Variants in ANKS1B observed in about 807,000 individuals in gnomAD.
ANKS1B encodes the protein ankyrin repeat and sterile alpha motif domain containing 1B, also known as ankyrin repeat and sterile alpha motif domain-containing protein 1B.
A neutral mutation model predicts 148.3 loss-of-function variants in ANKS1B; 36 were observed. The ratio of observed to expected loss-of-function variants is 0.24; its 90% CI spans 0.19 to 0.32. ANKS1B has a LOEUF of 0.32. Ranked by LOEUF, ANKS1B falls within the 10% of genes least tolerant of loss-of-function variation. The pLI, the probability that ANKS1B is intolerant of heterozygous loss-of-function variation, is 1.00. For missense variants in ANKS1B, 1,157 were observed against 1,542.6 expected (o/e 0.75, Z 4.19); for synonymous variants, 542 against 560.8 (o/e 0.97, Z 0.47).
chr12:98,879,582 G>C (rs1420926506), intron 17 of ANKS1B, among the ~76,000 whole-genome samples: 1 of 151,930 alleles, frequency 6.6e-6, no homozygotes, highest in African/African-American at 2.4e-5. Context: ...TATTTCTCTT[G>C]CTTCTTGTTT....
At chr12:99,413,561 G>A (rs1348687400) in intron 11 of ANKS1B, among the ~76,000 whole-genome samples, 1 of 151,966 alleles carries the variant, frequency 6.6e-6, no homozygotes, top group Non-Finnish European at 1.5e-5. Context: ...GTGGAAAATG[G>A]GAATAAATAG....
chr12:99,624,784 C>T (rs1455060163), intron 9 of ANKS1B, among the ~76,000 whole-genome samples: 1 of 151,976 alleles, frequency 6.6e-6, no homozygotes, highest in African/African-American at 2.4e-5. Flanking sequence ...AAAGGGAATG[C>T]TTATACACTG....
intron 17 of ANKS1B, among the ~76,000 whole-genome samples, chr12:98,965,237 C>G (rs1010203996): frequency 1.3e-5 from 2 of 152,342 alleles, no homozygotes; most frequent in East Asian, 1.9e-4. Context: ...CTTCCATTCT[C>G]ATGATTGCCT....
chr12:99,726,115 A>G (rs1195978917), intron 8 of ANKS1B, among the ~76,000 whole-genome samples: 1 of 152,214 alleles, frequency 6.6e-6, no homozygotes, highest in Non-Finnish European at 1.5e-5. Context: ...AAAAGCTAGC[A>G]GAAGACAAGA....
chr12:99,073,443 A>C (rs1388940731), intron 16 of ANKS1B, among the ~76,000 whole-genome samples: 1 of 152,222 alleles, frequency 6.6e-6, no homozygotes, highest in Non-Finnish European at 1.5e-5. Context: ...ATTAAGAAGG[A>C]AAATAAATTA....
At chr12:99,131,075 T>C (rs1036370380) in intron 15 of ANKS1B, among the ~76,000 whole-genome samples, 3 of 152,184 alleles carry the variant, frequency 2.0e-5, no homozygotes, top group Admixed American at 6.5e-5. Flanking sequence ...AGTGAACCTC[T>C]CTCTTCCACT....
At chr12:98,914,895 T>C (rs2099792094) in intron 17 of ANKS1B, among the ~76,000 whole-genome samples, 1 of 152,238 alleles carries the variant, frequency 6.6e-6, no homozygotes, top group African/African-American at 2.4e-5. Flanking sequence ...TGCTTTTCTC[T>C]AGAGCACTTT....
At chr12:99,664,442 A>C (rs1470326473) in intron 8 of ANKS1B, among the ~76,000 whole-genome samples, 1 of 152,148 alleles carries the variant, frequency 6.6e-6, no homozygotes, top group South Asian at 2.1e-4. Flanking sequence ...GAAATTTTAT[A>C]TAAAAATTAA....
chr12:99,784,544 G>T (rs1428122506), intron 4 of ANKS1B, among the ~76,000 whole-genome samples: 1 of 152,060 alleles, frequency 6.6e-6, no homozygotes. Context: ...TCTCTGCCTG[G>T]CAGGATCTAA....
At chr12:99,909,217 C>CGTGTGTGTGT (rs60264932) in intron 1 of ANKS1B, among the ~76,000 whole-genome samples, 19 of 137,392 alleles carry the variant, frequency 1.4e-4, no homozygotes, top group African/African-American at 4.6e-4. Flanking sequence ...AATATTCCAT[C>CGTGTGTGTGT]GTGTGTGTGT....
At chr12:99,717,191 T>C (rs1229510251) in intron 8 of ANKS1B, among the ~76,000 whole-genome samples, 1 of 152,116 alleles carries the variant, frequency 6.6e-6, no homozygotes, top group Non-Finnish European at 1.5e-5. Flanking sequence ...AATATACATC[T>C]TATTACCCAA....
chr12:99,037,074 G>C (rs2099956008), intron 17 of ANKS1B, among the ~76,000 whole-genome samples: 1 of 152,182 alleles, frequency 6.6e-6, no homozygotes, highest in Non-Finnish European at 1.5e-5. Flanking sequence ...TTTGTCGTTA[G>C]ACTAGGGCTA....
At chr12:99,226,196 T>C (rs146868852) in intron 14 of ANKS1B, among the ~76,000 whole-genome samples, 163 of 152,310 alleles carry the variant, frequency 1.1e-3, no homozygotes, top group Admixed American at 1.6e-3. Flanking sequence ...ATTTAATCTC[T>C]TGAGTAGCTT....
chr12:98,845,531 CTAAG>C (rs2099451528), intron 17 of ANKS1B, among the ~76,000 whole-genome samples: 1 of 152,134 alleles, frequency 6.6e-6, no homozygotes, highest in Admixed American at 6.6e-5. Context: ...GCAGTCTATT[CTAAG>C]TCTTTTCAAG....
chr12:99,933,157 A>G (rs61941578), intron 1 of ANKS1B, among the ~76,000 whole-genome samples: 15,458 of 152,162 alleles, frequency 0.1, 1,000 homozygotes, highest in African/African-American at 0.17. Flanking sequence ...TGTGTTGGTC[A>G]CTATAGCTCT....
At chr12:99,285,713 C>A (rs184076997) in intron 12 of ANKS1B, among the ~76,000 whole-genome samples, 1 of 152,118 alleles carries the variant, frequency 6.6e-6, no homozygotes, top group African/African-American at 2.4e-5. Context: ...CATCCCCTGG[C>A]AGTGACTGTG....
chr12:99,736,258 G>A (rs1458280408), intron 8 of ANKS1B, among the ~76,000 whole-genome samples: 2 of 151,874 alleles, frequency 1.3e-5, no homozygotes, highest in Admixed American at 6.6e-5. Context: ...CAGAGCAATC[G>A]GGCAAGAGAA....
chr12:99,953,791 A>C (rs1459482760), intron 1 of ANKS1B, among the ~76,000 whole-genome samples: 1 of 152,180 alleles, frequency 6.6e-6, no homozygotes. Context: ...GGGAAAGAGA[A>C]AGAATAAAAG....
intron 1 of ANKS1B, among the ~76,000 whole-genome samples, chr12:99,902,088 G>A (rs941979910): frequency 6.6e-6 from 1 of 152,110 alleles, no homozygotes; most frequent in East Asian, 1.9e-4. Context: ...GATTATAAGC[G>A]CCATAAAAGA....
Sources: allele counts gnomAD v4.1 joint callset (sites outside exome capture counted in the v4.1 genomes callset), GRCh38; gene constraint gnomAD v4.1.1; transcripts MANE v1.5; gene names NCBI Gene and HGNC (gene_info 2026-07-23, HGNC 2026-07-21).